Variants in CLNK observed in about 807,000 individuals in gnomAD.
CLNK encodes the protein cytokine dependent hematopoietic cell linker, also known as cytokine-dependent hematopoietic cell linker.
In CLNK, 74 loss-of-function variants were observed where a neutral mutation model predicts 68.6. The observed-to-expected ratio is 1.08, with a 90% CI of 0.89 to 1.31. The LOEUF (loss-of-function observed/expected upper bound fraction) is 1.31, where lower values mean the gene tolerates loss of function less well. Among genes scored for constraint, CLNK ranks in the 50% most tolerant of loss-of-function variants. The pLI, the probability that CLNK is intolerant of heterozygous loss-of-function variation, is 0.00. For missense variants in CLNK, 553 were observed against 515.3 expected (o/e 1.07, Z -0.71); for synonymous variants, 198 against 172.2 (o/e 1.15, Z -1.17).
upstream of CLNK, among the ~76,000 whole-genome samples, chr4:10,688,071 C>CTATT (rs1462973399): frequency 6.6e-6 from 1 of 152,122 alleles, no homozygotes; most frequent in Admixed American, 6.6e-5. Flanking sequence ...AGAGGAGTGG[C>CTATT]TATTAGGATA....
intron 3 of CLNK, among the ~76,000 whole-genome samples, chr4:10,593,253 G>A (rs896532065): frequency 1.3e-5 from 2 of 152,140 alleles, no homozygotes; most frequent in African/African-American, 2.4e-5. Flanking sequence ...CAGGGCAGGC[G>A]GGGCAGACCA....
intron 7 of CLNK, among the ~76,000 whole-genome samples, chr4:10,563,838 T>C (rs2869468): frequency 0.97 from 147,473 of 152,208 alleles, 71,610 homozygotes; most frequent in East Asian, 1. Flanking sequence ...ACCCGGGAGG[T>C]GGAGGTTGCA....
At chr4:10,631,377 G>C (rs926234716) in intron 2 of CLNK, among the ~76,000 whole-genome samples, 4 of 152,366 alleles carry the variant, frequency 2.6e-5, no homozygotes, top group Admixed American at 2.6e-4. Context: ...GGAAACCAGA[G>C]ATAGGTGGGA....
At chr4:10,560,200 G>A (rs1217996614) in intron 7 of CLNK, among the ~76,000 whole-genome samples, 4 of 152,150 alleles carry the variant, frequency 2.6e-5, no homozygotes, top group African/African-American at 7.2e-5. Flanking sequence ...CCTAGAACAT[G>A]GAAACTGCCC....
At chr4:10,565,363 G>C (rs1004775412) in intron 6 of CLNK, among the ~76,000 whole-genome samples, 3 of 152,188 alleles carry the variant, frequency 2.0e-5, no homozygotes, top group African/African-American at 7.2e-5. Flanking sequence ...CACTTTAGTG[G>C]TTCAGGCCCT....
intron 1 of CLNK, among the ~76,000 whole-genome samples, chr4:10,669,273 G>A (rs957054289): frequency 7.9e-5 from 12 of 152,094 alleles, no homozygotes; most frequent in Non-Finnish European, 1.6e-4. Flanking sequence ...GCATCCCTCC[G>A]TGACATCCCT....
intron 2 of CLNK, among the ~76,000 whole-genome samples, chr4:10,662,975 A>G (rs1330892891): frequency 2.0e-5 from 3 of 152,212 alleles, no homozygotes; most frequent in African/African-American, 7.2e-5. Context: ...TGCAAGAGTG[A>G]CTTTCACCCA....
In CLNK at chr4:10,490,610, A is replaced by T; in HGVS notation, c.1144T>A (p.Phe382Ile). 6.4e-7 allele frequency: 1 copy of T among 1,563,776 alleles called. No homozygotes were observed. Among genetic ancestry groups the T allele is most frequent in the African/African-American group, 1.4e-5 (1 of 73,790 alleles). The change falls in exon 19 of 19, where the codon TTT becomes ATT. Residue 382 changes from phenylalanine to isoleucine, a missense_variant. Transcript: ENST00000226951. ...TCGATGATGTCTTCTACTGAATCAA[A>T]CTTCTGAAACACAGAAAAGAAAGTT... ...LGTGLRGDEK[F>I]DSVEDIIEHY...
At chr4:10,543,470 G>A (rs1719114275) in intron 8 of CLNK, among the ~76,000 whole-genome samples, 1 of 152,196 alleles carries the variant, frequency 6.6e-6, no homozygotes, top group African/African-American at 2.4e-5. Flanking sequence ...GACTAAATCA[G>A]TGATTTTTAA....
At chr4:10,646,225 AATT>A in intron 2 of CLNK, among the ~76,000 whole-genome samples, 1 of 152,152 alleles carries the variant, frequency 6.6e-6, no homozygotes, top group South Asian at 2.1e-4. Context: ...AAATATGTAA[AATT>A]ATTATATACC....
At chr4:10,612,029 A>G (rs1722053735) in intron 2 of CLNK, among the ~76,000 whole-genome samples, 1 of 152,216 alleles carries the variant, frequency 6.6e-6, no homozygotes, top group South Asian at 2.1e-4. Context: ...TGCATGTCAC[A>G]GCCAGTATTC....
rs180681582 is a variant in CLNK at position 10,532,022 on chromosome 4, C to T, written c.630+234G>A. Among the ~76,000 whole-genome samples, 10 of 152,338 alleles carry T rather than the reference C, an allele frequency of 6.6e-5. No individual in the cohort carries two copies. In the East Asian group the frequency reaches 1.9e-3, roughly 29 times the overall value. On this transcript the variant is annotated intron_variant, in intron 12 of 18. Coordinates refer to ENST00000226951, the MANE Select transcript of CLNK (RefSeq NM_052964.4). ...GGAACTGGGCACGTTCTTCCTATAA[C>T]AAATGAACCCTGAATGACCATGGTG...
At chr4:10,490,662 C>A in intron 18 of CLNK, 49 bp from the exon 19 acceptor site, 1 of 1,492,810 alleles carries the variant, frequency 6.7e-7, no homozygotes, top group South Asian at 1.2e-5. Flanking sequence ...TCTTTTGTGT[C>A]TGTAGGTTAA....
At chr4:10,672,521 GC>G (rs1275712314) in intron 1 of CLNK, among the ~76,000 whole-genome samples, 1 of 152,114 alleles carries the variant, frequency 6.6e-6, no homozygotes. Context: ...TTAATTAAAT[GC>G]CTTATATCAC....
At chr4:10,704,755 G>T in the CLNK span, among the ~76,000 whole-genome samples, 2 of 152,344 alleles carry the variant, frequency 1.3e-5, no homozygotes, top group South Asian at 2.1e-4. Flanking sequence ...TGGAATCAGG[G>T]AGTAGTTAAC....
At chr4:10,662,316 T>C (rs140365655) in intron 2 of CLNK, among the ~76,000 whole-genome samples, 118 of 152,354 alleles carry the variant, frequency 7.7e-4, no homozygotes, top group Middle Eastern at 3.4e-3. Context: ...AGGTTCGCCA[T>C]GCTTGATCTA....
At chr4:10,639,743 A>T (rs1477769777) in intron 2 of CLNK, among the ~76,000 whole-genome samples, 1 of 152,266 alleles carries the variant, frequency 6.6e-6, no homozygotes, top group Non-Finnish European at 1.5e-5. Context: ...CACATGTGGC[A>T]AACGGCTACC....
intron 2 of CLNK, among the ~76,000 whole-genome samples, chr4:10,657,851 A>T (rs4331770): frequency 6.6e-6 from 1 of 152,182 alleles, no homozygotes; most frequent in Admixed American, 6.5e-5. Context: ...GAAAAATCAA[A>T]TTCCACCATC....
chr4:10,631,030 G>A (rs956570681), intron 2 of CLNK, among the ~76,000 whole-genome samples: 4 of 143,254 alleles, frequency 2.8e-5, no homozygotes, highest in Non-Finnish European at 3.2e-5. Flanking sequence ...ACAGACCAAT[G>A]GCACCAAATG....
Sources: gnomAD v4.1 joint callset for allele counts (sites outside exome capture counted in the v4.1 genomes callset) on GRCh38, gnomAD v4.1.1 for gene constraint, MANE v1.5 for transcripts, NCBI Gene and HGNC (gene_info 2026-07-23, HGNC 2026-07-21) for gene names.